Variants in TNR observed in about 807,000 individuals in gnomAD.
TNR encodes the protein tenascin R, also known as tenascin-R.
TNR carries 45 observed loss-of-function variants against 150.4 expected under a neutral mutation model. That is an observed-to-expected ratio of 0.30 (90% confidence interval 0.24 to 0.38). The LOEUF is 0.38. Ranked by LOEUF, TNR falls within the 10% of genes least tolerant of loss-of-function variation. The probability of loss-of-function intolerance (pLI) is 1.00; values close to 1 mark genes in which losing one functional copy is unlikely to be tolerated. For missense variants in TNR, 1,544 were observed against 1,759.1 expected, an observed-to-expected ratio of 0.88 and a Z score of 2.19; for synonymous variants, 687 against 678.4, an observed-to-expected ratio of 1.01 and a Z score of -0.20.
chr1:175,375,994 T>C (rs1652359060), intron 9 of TNR, among the ~76,000 whole-genome samples: 1 of 152,202 alleles, frequency 6.6e-6, no homozygotes, highest in African/African-American at 2.4e-5. Flanking sequence ...GCACTTTTCA[T>C]GAAGCTGGTC....
chr1:175,358,069 G>A (rs2102007875), intron 15 of TNR, among the ~76,000 whole-genome samples: 1 of 152,308 alleles, frequency 6.6e-6, no homozygotes, highest in South Asian at 2.1e-4. Context: ...GAGTTTCCTG[G>A]TGAAAGAAAT....
intron 1 of TNR, among the ~76,000 whole-genome samples, chr1:175,709,467 G>T (rs1037244745): frequency 2.6e-5 from 4 of 152,152 alleles, no homozygotes; most frequent in Non-Finnish European, 2.9e-5. Context: ...TTATTAATTA[G>T]GTTTCTGTAG....
In TNR at chr1:175,691,445, C is replaced by T. The variant is rs1416902502; in HGVS notation, c.-165+51781G>A. The stretch of plus-strand genomic sequence containing the variant: ...CCACAACAAGCCTAAAAAGGAGATA[C>T]TGTTATTCTCTCCAAATTCTAGATG... On this transcript the variant is annotated intron_variant, in intron 1 of 22. Transcript: ENST00000367674. Among the ~76,000 whole-genome samples, 9 of 152,282 alleles carry T rather than the reference C, an allele frequency of 5.9e-5. No homozygotes were observed. The South Asian group carries it at 6.2e-4, about 11-fold the overall frequency.
intron 1 of TNR, among the ~76,000 whole-genome samples, chr1:175,564,122 A>G (rs2102212979): frequency 6.6e-6 from 1 of 152,360 alleles, no homozygotes; most frequent in Non-Finnish European, 1.5e-5. Context: ...TGTAAGCATC[A>G]ACAAGCCAAA....
chr1:175,385,574 C>T (rs1015290078), intron 8 of TNR, among the ~76,000 whole-genome samples: 2 of 152,178 alleles, frequency 1.3e-5, no homozygotes, highest in Non-Finnish European at 1.5e-5. Context: ...AATGCCAATG[C>T]ACATCATCAT....
At chr1:175,437,611 C>T (rs1351934124) in intron 2 of TNR, among the ~76,000 whole-genome samples, 2 of 152,010 alleles carry the variant, frequency 1.3e-5, no homozygotes, top group African/African-American at 4.8e-5. Context: ...AAAAGATCAA[C>T]AAAATTGATA....
chr1:175,665,334 G>A (rs905120849), intron 1 of TNR, among the ~76,000 whole-genome samples: 1 of 152,168 alleles, frequency 6.6e-6, no homozygotes, highest in Non-Finnish European at 1.5e-5. Context: ...CCATGTGTAA[G>A]AGATACTGCC....
Position 175,366,158 on chromosome 1 carries a change from G to A in TNR, c.2054-20C>T. 1 of 1,571,700 alleles carries A rather than the reference G, an allele frequency of 6.4e-7. No homozygotes were observed. ...CAAGTTCTGTGGATTGACATAAATGGCCTATTTTACATGTGTTCCCCTGGA... is the reference window on the plus strand; with the variant it reads ...CAAGTTCTGTGGATTGACATAAATGACCTATTTTACATGTGTTCCCCTGGA... On this transcript the variant is annotated intron_variant, in intron 10 of 22. Transcript: ENST00000367674.
intron 2 of TNR, among the ~76,000 whole-genome samples, chr1:175,511,849 C>G (rs949898856): frequency 2.6e-5 from 4 of 152,182 alleles, no homozygotes; most frequent in Admixed American, 6.5e-5. Flanking sequence ...TTTTGGAGCT[C>G]TCTCCTGGCA....
intron 1 of TNR, among the ~76,000 whole-genome samples, chr1:175,717,444 T>C (rs528426702): frequency 2.0e-5 from 3 of 152,308 alleles, no homozygotes; most frequent in Admixed American, 6.5e-5. Context: ...AAAATAGAAG[T>C]TGAAATCACT....
intron 6 of TNR, among the ~76,000 whole-genome samples, chr1:175,393,305 T>C (rs1026675228): frequency 2.6e-5 from 4 of 152,294 alleles, no homozygotes; most frequent in Admixed American, 6.5e-5. Context: ...AGGTGTTTTG[T>C]TTTATGTCTG....
At chr1:175,477,228 T>C (rs768848026) in intron 2 of TNR, among the ~76,000 whole-genome samples, 1 of 152,228 alleles carries the variant, frequency 6.6e-6, no homozygotes, top group African/African-American at 2.4e-5. Flanking sequence ...AGCTCACATA[T>C]GTCATTCCCA....
At chr1:175,352,746 G>A (rs1169605788) in intron 18 of TNR, among the ~76,000 whole-genome samples, 1 of 152,122 alleles carries the variant, frequency 6.6e-6, no homozygotes, top group African/African-American at 2.4e-5. Flanking sequence ...TGATTAATGT[G>A]CTCATTTAAG....
At chr1:175,431,691 T>G (rs767868815) in intron 2 of TNR, among the ~76,000 whole-genome samples, 6 of 150,816 alleles carry the variant, frequency 4.0e-5, no homozygotes, top group Non-Finnish European at 7.4e-5. Context: ...GAAGAACCCA[T>G]GCTTTCCAGC....
rs548056955 is a variant in TNR at position 175,317,179 on chromosome 1, G to C, written c.*6178C>G. The C allele has an allele frequency of 6.6e-6, 1 of 152,310 alleles. No homozygotes were observed. The highest frequency in any genetic ancestry group is 6.5e-5 in the Admixed American group (1 of 15,298). 9.4% of individuals were successfully genotyped at this position (152,310 alleles called of 1,614,324 possible). A position where few individuals can be genotyped will look rare whatever the true frequency, so the allele number is the denominator to read the frequency against. ...TGTAAAGCCCTTTGCACAGTATCTG[G>C]TAAATAGTGGGTATGCAATAAATGC... On this transcript the variant is annotated 3_prime_UTR_variant, in exon 23 of 23. Coordinates refer to ENST00000367674, the MANE Select transcript of TNR (RefSeq NM_003285.3).
At chr1:175,736,960 A>G (rs1667789916) in intron 1 of TNR, among the ~76,000 whole-genome samples, 1 of 151,856 alleles carries the variant, frequency 6.6e-6, no homozygotes, top group Non-Finnish European at 1.5e-5. Context: ...GGTAGAGTCT[A>G]TGGTGAGCCA....
intron 2 of TNR, among the ~76,000 whole-genome samples, chr1:175,496,177 C>T (rs1240675451): frequency 2.6e-5 from 4 of 152,158 alleles, no homozygotes; most frequent in East Asian, 3.9e-4. Flanking sequence ...CGGATTCCCA[C>T]AGATACTAGA....
intron 1 of TNR, among the ~76,000 whole-genome samples, chr1:175,662,597 A>C (rs1441225115): frequency 6.6e-6 from 1 of 152,240 alleles, no homozygotes; most frequent in Non-Finnish European, 1.5e-5. Context: ...GTCTTATCCA[A>C]ACCTGTGAGG....
chr1:175,551,805 T>C (rs1417895385), intron 1 of TNR, among the ~76,000 whole-genome samples: 4 of 152,120 alleles, frequency 2.6e-5, no homozygotes, highest in Non-Finnish European at 5.9e-5. Context: ...ATACAAAATA[T>C]CAACTTAAAC....
Sources: allele counts gnomAD v4.1 joint callset (sites outside exome capture counted in the v4.1 genomes callset), GRCh38; gene constraint gnomAD v4.1.1; transcripts MANE v1.5; gene names NCBI Gene and HGNC (gene_info 2026-07-23, HGNC 2026-07-21).